The following USP13 variants were observed in gnomAD, a reference collection of about 807,000 sequenced individuals.
The protein encoded by USP13 is ubiquitin specific peptidase 13, also known as ubiquitin carboxyl-terminal hydrolase 13.
USP13 carries 68 observed loss-of-function variants against 107.8 expected under a neutral mutation model. The ratio of observed to expected loss-of-function variants is 0.63; its 90% CI spans 0.52 to 0.77. The LOEUF is 0.77. USP13 is among the 30% of genes least tolerant of loss of function. The probability of loss-of-function intolerance (pLI) is 0.00; values close to 1 mark genes in which losing one functional copy is unlikely to be tolerated. For synonymous variants in USP13, 377 were observed against 389.5 expected, an observed-to-expected ratio of 0.97 and a Z score of 0.38; for missense variants, 945 against 1,093.3, an observed-to-expected ratio of 0.86 and a Z score of 1.91.
At chr3:179,710,668 C>A (rs4854950) in intron 6 of USP13, among the ~76,000 whole-genome samples, 1 of 151,998 alleles carries the variant, frequency 6.6e-6, no homozygotes, top group African/African-American at 2.4e-5. Flanking sequence ...TGATATGTTC[C>A]GAGAATGCAT....
chr3:179,665,798 G>A (rs1476602230), intron 1 of USP13, among the ~76,000 whole-genome samples: 1 of 152,056 alleles, frequency 6.6e-6, no homozygotes, highest in Non-Finnish European at 1.5e-5. Flanking sequence ...GTTGGCCAGG[G>A]CATTCTTGAA....
chr3:179,710,091 T>C (rs1441579215), intron 6 of USP13, among the ~76,000 whole-genome samples: 1 of 152,222 alleles, frequency 6.6e-6, no homozygotes, highest in Non-Finnish European at 1.5e-5. Context: ...GGAATTATTT[T>C]AACTCATTAA....
intron 1 of USP13, among the ~76,000 whole-genome samples, chr3:179,658,043 T>C (rs1291567020): frequency 3.3e-5 from 5 of 152,132 alleles, no homozygotes; most frequent in Admixed American, 6.6e-5. Context: ...GGCTTGTCCA[T>C]GTGTAAGACT....
rs923906788 is a variant in USP13, at chr3:179,740,241, C to T, written c.1255-6C>T. ...ATCATAAGTCCATTTCATTTTTATA[C>T]ATTAGCCACAGCAGAACGGGATCTC... On this transcript the variant is annotated splice_polypyrimidine_tract_variant and splice_region_variant and intron_variant, in intron 10 of 20. Transcript: ENST00000263966. The T allele has an allele frequency of 6.2e-7, 1 of 1,613,794 alleles. No homozygotes were observed. The highest frequency in any genetic ancestry group is 8.5e-7 in the Non-Finnish European group (1 of 1,179,754).
intron 8 of USP13, among the ~76,000 whole-genome samples, chr3:179,729,216 A>G (rs1178314310): frequency 6.6e-6 from 1 of 152,162 alleles, no homozygotes; most frequent in East Asian, 1.9e-4. Flanking sequence ...GGAAAATCAC[A>G]AAGAAGAAAC....
At chr3:179,713,543 G>T (rs74938614) in intron 6 of USP13, among the ~76,000 whole-genome samples, 209 of 152,246 alleles carry the variant, frequency 1.4e-3, no homozygotes, top group African/African-American at 4.8e-3. Flanking sequence ...CCATCTCTCG[G>T]TGAAGTTTCC....
At chr3:179,727,185 AATTG>A (rs1420774004) in intron 8 of USP13, among the ~76,000 whole-genome samples, 62 of 66,384 alleles carry the variant, frequency 9.3e-4, no homozygotes, top group African/African-American at 4.1e-3. Context: ...TTTTTTTTTT[AATTG>A]ATCATTCTTG....
rs73052559 is a variant in USP13 at position 179,656,070 on chromosome 3, T to C, written c.168+2677T>C. Among the ~76,000 whole-genome samples, 605 of 152,260 alleles carry C rather than the reference T, an allele frequency of 4.0e-3. 5 individuals are homozygous for C. The highest frequency in any genetic ancestry group is 0.014 in the African/African-American group (577 of 41,530). On this transcript the variant is annotated intron_variant, in intron 1 of 20. Coordinates refer to ENST00000263966, the MANE Select transcript of USP13 (RefSeq NM_003940.3). ...GTGGAAAAAAGAAATCATCCCTGCATTGGTTACTGTTGAAAAAGGTTATGT... is the reference window on the plus strand; with the variant it reads ...GTGGAAAAAAGAAATCATCCCTGCACTGGTTACTGTTGAAAAAGGTTATGT...
intron 10 of USP13, among the ~76,000 whole-genome samples, chr3:179,735,935 G>C (rs534768236): frequency 6.6e-6 from 1 of 152,266 alleles, no homozygotes; most frequent in East Asian, 1.9e-4. Context: ...AGATACTTGG[G>C]AGGCTGAGGT....
At chr3:179,744,350 T>G (rs546599123) in intron 12 of USP13, among the ~76,000 whole-genome samples, 1,826 of 130,386 alleles carry the variant, frequency 0.014, 20 homozygotes, top group Middle Eastern at 0.034. Context: ...TCTGTTTTTT[T>G]TTTTGTTTTG....
chr3:179,750,915 CCCTGCGCTGTG>C (rs1714588910), intron 13 of USP13, among the ~76,000 whole-genome samples: 1 of 152,138 alleles, frequency 6.6e-6, no homozygotes, highest in Non-Finnish European at 1.5e-5. Context: ...CGTGTTCTGT[CCCTGCGCTGTG>C]CCTTTTCTCT....
Position 179,730,692 on chromosome 3 carries a change from A to T in USP13, c.1237A>T (p.Met413Leu), listed in dbSNP as rs1301819053. 1 of 1,614,110 alleles carries T rather than the reference A, an allele frequency of 6.2e-7. No homozygotes were observed. The highest frequency in any genetic ancestry group is 8.5e-7 in the Non-Finnish European group (1 of 1,179,964). ...GAAATCTGAACTCATTGAACAGGTGATGAAGGAGGAGCACAAGGTATGTGT... is the reference window on the plus strand; with the variant it reads ...GAAATCTGAACTCATTGAACAGGTGTTGAAGGAGGAGCACAAGGTATGTGT... ...PVKSELIEQV[M>L]KEEHKPQQNG... Residue 413 changes from methionine to leucine, a missense_variant, in exon 10 of 21, where the codon ATG (methionine) becomes TTG (leucine). Coordinates refer to ENST00000263966, the MANE Select transcript of USP13 (RefSeq NM_003940.3).
intron 5 of USP13, among the ~76,000 whole-genome samples, chr3:179,707,859 C>T (rs944970089): frequency 1.3e-5 from 2 of 152,154 alleles, no homozygotes; most frequent in South Asian, 4.1e-4. Flanking sequence ...TCTTTGGAAA[C>T]GAGAGTTACT....
intron 13 of USP13, 78 bp from the exon 14 acceptor site, chr3:179,752,207 A>G (rs2239639): frequency 0.33 from 436,321 of 1,337,400 alleles, 75,052 homozygotes; most frequent in East Asian, 0.45. Flanking sequence ...TGCCTCAGAC[A>G]AAGTTGATAT....
intron 16 of USP13, among the ~76,000 whole-genome samples, chr3:179,760,019 T>A (rs1485237117): frequency 6.6e-6 from 1 of 152,206 alleles, no homozygotes; most frequent in Non-Finnish European, 1.5e-5. Flanking sequence ...GCTATTTCTC[T>A]TCTCGGTTCT....
intron 19 of USP13, among the ~76,000 whole-genome samples, chr3:179,769,467 G>C (rs190061712): frequency 3.7e-4 from 56 of 152,242 alleles, no homozygotes; most frequent in African/African-American, 1.2e-3. Flanking sequence ...GAGTGCAGTG[G>C]CATGATCTTG....
At chr3:179,782,338 GT>G (rs1715777961) in intron 20 of USP13, among the ~76,000 whole-genome samples, 1 of 152,224 alleles carries the variant, frequency 6.6e-6, no homozygotes, top group African/African-American at 2.4e-5. Flanking sequence ...GGTAACCTGT[GT>G]TTTATCTGGC....
rs116584613 is a variant in USP13 at position 179,731,831 on chromosome 3, C to A, written c.1254+1122C>A. Among the ~76,000 whole-genome samples, 700 of 152,312 alleles carry A rather than the reference C, an allele frequency of 4.6e-3. 6 individuals carry two copies. Among genetic ancestry groups the A allele is most frequent in the African/African-American group, 0.016 (668 of 41,578 alleles). ...CTGCTCTGGCTTCCTAGTATCCTGT[C>A]TTGACTTACTGGGCAGGCTCGTTCA... On this transcript the variant is annotated intron_variant, in intron 10 of 20. Coordinates refer to ENST00000263966, the MANE Select transcript of USP13 (RefSeq NM_003940.3).
At chr3:179,664,980 C>G (rs1720545115) in intron 1 of USP13, among the ~76,000 whole-genome samples, 1 of 151,990 alleles carries the variant, frequency 6.6e-6, no homozygotes, top group African/African-American at 2.4e-5. Flanking sequence ...CCCAGCTACT[C>G]AGGAGGCTGA....
Sources: gnomAD v4.1 joint callset for allele counts (sites outside exome capture counted in the v4.1 genomes callset) on GRCh38, gnomAD v4.1.1 for gene constraint, MANE v1.5 for transcripts, NCBI Gene and HGNC (gene_info 2026-07-23, HGNC 2026-07-21) for gene names.